The following TOX variants were observed in gnomAD, a reference collection of about 807,000 sequenced individuals.
TOX encodes thymocyte selection-associated high mobility group box protein TOX.
A neutral mutation model predicts 53.7 loss-of-function variants in TOX; 11 were observed. That is an observed-to-expected ratio of 0.20 (90% CI 0.13 to 0.34). The LOEUF (loss-of-function observed/expected upper bound fraction) is 0.34. Ranked by LOEUF, TOX falls within the 10% of genes least tolerant of loss-of-function variation. The pLI, the probability that TOX is intolerant of heterozygous loss-of-function variation, is 1.00. For missense variants in TOX, 570 were observed against 664.6 expected, an observed-to-expected ratio of 0.86 and a Z score of 1.56; for synonymous variants, 225 against 245.3, an observed-to-expected ratio of 0.92 and a Z score of 0.77.
At chr8:59,035,167 T>C (rs182248085) in intron 1 of TOX, among the ~76,000 whole-genome samples, 96 of 152,298 alleles carry the variant, frequency 6.3e-4, no homozygotes, top group African/African-American at 2.0e-3. Flanking sequence ...TGGTACTAAA[T>C]TTGTCTAACT....
chr8:59,116,338 G>C (rs1805098338), intron 1 of TOX, among the ~76,000 whole-genome samples: 1 of 152,118 alleles, frequency 6.6e-6, no homozygotes, highest in Non-Finnish European at 1.5e-5. Flanking sequence ...TGTTCTTTTG[G>C]GGATGTCTGA....
At chr8:58,988,997 A>G (rs1563410512) in intron 1 of TOX, among the ~76,000 whole-genome samples, 1 of 152,188 alleles carries the variant, frequency 6.6e-6, no homozygotes, top group Non-Finnish European at 1.5e-5. Flanking sequence ...TCCTCCAAGA[A>G]CCTGGCAGAG....
At chr8:58,933,039 C>T (rs764859353) in intron 3 of TOX, among the ~76,000 whole-genome samples, 3 of 152,136 alleles carry the variant, frequency 2.0e-5, no homozygotes, top group Non-Finnish European at 4.4e-5. Flanking sequence ...AAATTGAAAT[C>T]GCCTTTGTTG....
At chr8:59,015,815 A>G (rs952941770) in intron 1 of TOX, among the ~76,000 whole-genome samples, 5 of 152,252 alleles carry the variant, frequency 3.3e-5, no homozygotes, top group Non-Finnish European at 7.3e-5. Context: ...TAATGTGCTC[A>G]TAGAAGTACC....
intron 3 of TOX, among the ~76,000 whole-genome samples, chr8:58,891,411 A>G (rs1160416591): frequency 6.6e-6 from 1 of 152,110 alleles, no homozygotes; most frequent in Non-Finnish European, 1.5e-5. Context: ...AAGGACCAAG[A>G]TGTCATCCTG....
chr8:58,895,741 G>T (rs1382759711), intron 3 of TOX, among the ~76,000 whole-genome samples: 1 of 152,194 alleles, frequency 6.6e-6, no homozygotes, highest in Non-Finnish European at 1.5e-5. Flanking sequence ...GCATAACACA[G>T]CAAATTCTTT....
Position 58,974,245 on chromosome 8 carries a change from C to A in TOX, c.103-14237G>T, listed in dbSNP as rs1011735619. On this transcript the variant is annotated intron_variant, in intron 1 of 8. Coordinates refer to ENST00000361421, the MANE Select transcript of TOX (RefSeq NM_014729.3). ...AGAGGCCAGGGATGCTCCCATACAC[C>A]CTACACTGCCCAGACCCTGTAGAAA... Among the ~76,000 whole-genome samples, 6 of 152,206 alleles carry A rather than the reference C, an allele frequency of 3.9e-5. No individual in the cohort carries two copies. The Middle Eastern group carries it at 0.01, about 259-fold the overall frequency.
At chr8:58,840,723 C>T (rs1187185581) in intron 4 of TOX, among the ~76,000 whole-genome samples, 1 of 152,188 alleles carries the variant, frequency 6.6e-6, no homozygotes, top group Non-Finnish European at 1.5e-5. Flanking sequence ...AACCAAACTC[C>T]TCCAAGTGGT....
At chr8:59,008,196 T>C (rs1270826677) in intron 1 of TOX, among the ~76,000 whole-genome samples, 1 of 152,238 alleles carries the variant, frequency 6.6e-6, no homozygotes, top group Non-Finnish European at 1.5e-5. Flanking sequence ...ATGATCTGTG[T>C]GTTTGCTTGG....
intron 1 of TOX, among the ~76,000 whole-genome samples, chr8:59,029,884 G>C (rs1346728735): frequency 6.6e-6 from 1 of 152,164 alleles, no homozygotes; most frequent in Non-Finnish European, 1.5e-5. Flanking sequence ...TCTCATGGCA[G>C]AATCCCTCAC....
At chr8:58,840,272 G>T (rs1180926577) in intron 4 of TOX, among the ~76,000 whole-genome samples, 1 of 152,066 alleles carries the variant, frequency 6.6e-6, no homozygotes, top group Non-Finnish European at 1.5e-5. Context: ...AACCCCAGGG[G>T]GACAGGATGC....
intron 3 of TOX, among the ~76,000 whole-genome samples, chr8:58,857,535 T>C (rs1357118575): frequency 6.6e-6 from 1 of 152,160 alleles, no homozygotes; most frequent in African/African-American, 2.4e-5. Flanking sequence ...ATTTCAATTT[T>C]TCCAATTAAT....
Position 58,873,958 on chromosome 8 carries a change from C to CTTT in TOX, c.412-22156_412-22154dup, listed in dbSNP as rs1173710545. Reference sequence around the variant, plus strand: ...AATACACATCCTGAATGCCAGGAAGCTTTTTTTTTTTTTTTTTTTTTTTTT... The same window carrying CTTT: ...AATACACATCCTGAATGCCAGGAAGCTTTTTTTTTTTTTTTTTTTTTTTTTTTT... On this transcript the variant is annotated intron_variant, in intron 3 of 8. Coordinates refer to ENST00000361421, the MANE Select transcript of TOX (RefSeq NM_014729.3). Among the ~76,000 whole-genome samples the CTTT allele has an allele frequency of 7.2e-4, 29 of 40,136 alleles. 8 individuals are homozygous for CTTT. The highest frequency in any genetic ancestry group is 2.2e-3 in the African/African-American group (13 of 5,792). 26.3% of individuals were successfully genotyped at this position (40,136 alleles called of 152,430 possible).
At chr8:58,906,543 A>G (rs985158823) in intron 3 of TOX, among the ~76,000 whole-genome samples, 8 of 152,224 alleles carry the variant, frequency 5.3e-5, no homozygotes, top group Non-Finnish European at 1.2e-4. Context: ...GTCAAACTGC[A>G]TATTTATTTA....
intron 1 of TOX, among the ~76,000 whole-genome samples, chr8:59,109,182 A>T (rs753759620): frequency 1.3e-5 from 2 of 152,168 alleles, no homozygotes; most frequent in Non-Finnish European, 2.9e-5. Context: ...TCTTTAAATA[A>T]CATGTAAAAT....
chr8:58,929,840 G>A (rs1015914396), intron 3 of TOX, among the ~76,000 whole-genome samples: 4 of 152,106 alleles, frequency 2.6e-5, no homozygotes, highest in Admixed American at 6.5e-5. Context: ...TCTGCCCCAA[G>A]ACTTTGGAAG....
At chr8:58,835,886 G>C (rs553246239) in intron 5 of TOX, among the ~76,000 whole-genome samples, 1 of 152,122 alleles carries the variant, frequency 6.6e-6, no homozygotes, top group Non-Finnish European at 1.5e-5. Flanking sequence ...AGGCACAAAC[G>C]AGCCTTGAAA....
At position 58,826,833 on chromosome 8, in the gene TOX, G is replaced by A; in HGVS notation, c.994C>T (p.Leu332Phe). The change falls in exon 6 of 9, where the codon CTT becomes TTT. Residue 332 changes from leucine to phenylalanine, a missense_variant. By Grantham distance (22) the Leu-to-Phe change is conservative. Around this residue, in one of 3 missense-constraint regions of TOX, gnomAD observed 239 missense variants for 250.7 expected, o/e 0.95. Coordinates refer to ENST00000361421, the MANE Select transcript of TOX (RefSeq NM_014729.3). ...CAACTGCACGTTACCTTGGATACAA[G>A]GCTGGCTCTGTATGCTGCGAGTTGC... ...LKQLAAYRASLVSKSYSEPVD... is the reference protein window; with the variant it reads ...LKQLAAYRASFVSKSYSEPVD... 6.2e-7 allele frequency: 1 copy of A among 1,609,338 alleles called. No individual in the cohort carries two copies. The highest frequency in any genetic ancestry group is 1.1e-5 in the South Asian group (1 of 90,284).
intron 3 of TOX, among the ~76,000 whole-genome samples, chr8:58,858,498 CG>C (rs1216226451): frequency 1.3e-5 from 2 of 152,240 alleles, no homozygotes; most frequent in African/African-American, 2.4e-5. Flanking sequence ...GTGCACAGAG[CG>C]CTGGAACATG....
Sources: allele counts gnomAD v4.1 joint callset (sites outside exome capture counted in the v4.1 genomes callset), GRCh38; gene constraint gnomAD v4.1.1; regional missense constraint gnomAD v4.1.1; transcripts MANE v1.5; gene names NCBI Gene and HGNC (gene_info 2026-07-23, HGNC 2026-07-21).